Variants in STPG2 observed in about 807,000 individuals in gnomAD.
The protein encoded by STPG2 is sperm tail PG-rich repeat containing 2.
In STPG2, 56 loss-of-function variants were observed where a neutral mutation model predicts 54.2. The ratio of observed to expected loss-of-function variants is 1.03; its 90% confidence interval spans 0.83 to 1.29. STPG2 has a LOEUF of 1.29. Ranked by LOEUF, STPG2 falls within the 50% of genes most tolerant of loss-of-function variation. The pLI is 0.00. For synonymous variants in STPG2, 200 were observed against 181.8 expected, an observed-to-expected ratio of 1.10 and a Z score of -0.81; for missense variants, 596 against 544.9, an observed-to-expected ratio of 1.09 and a Z score of -0.93.
intron 4 of STPG2, among the ~76,000 whole-genome samples, chr4:97,467,217 G>A (rs1331343040): frequency 6.6e-5 from 10 of 151,652 alleles, no homozygotes; most frequent in Admixed American, 6.6e-4. Flanking sequence ...CTTACAAAAT[G>A]AGTATTTTTC....
At chr4:97,522,078 C>T (rs1731195062) in intron 4 of STPG2, among the ~76,000 whole-genome samples, 1 of 112,338 alleles carries the variant, frequency 8.9e-6, no homozygotes, top group African/African-American at 2.8e-5. Context: ...TCCAAATATA[C>T]AATTTTTTCT....
At chr4:97,909,749 TC>T (rs1394153627) in intron 8 of STPG2, among the ~76,000 whole-genome samples, 1 of 152,132 alleles carries the variant, frequency 6.6e-6, no homozygotes, top group Non-Finnish European at 1.5e-5. Flanking sequence ...TAGAATATAT[TC>T]CTAATATAAC....
chr4:97,754,213 A>G (rs1027229707), intron 9 of STPG2, among the ~76,000 whole-genome samples: 42 of 152,244 alleles, frequency 2.8e-4, no homozygotes, highest in Non-Finnish European at 2.9e-4. Context: ...CCACACCACC[A>G]AGCTAAAACT....
At chr4:97,983,565 C>T (rs949281492) in intron 5 of STPG2, among the ~76,000 whole-genome samples, 6 of 152,218 alleles carry the variant, frequency 3.9e-5, no homozygotes, top group South Asian at 4.1e-4. Context: ...ATATTGTTTC[C>T]TATGTCCCTG....
chr4:97,706,095 A>T (rs1723931660), intron 10 of STPG2, among the ~76,000 whole-genome samples: 1 of 152,028 alleles, frequency 6.6e-6, no homozygotes, highest in East Asian at 1.9e-4. Context: ...TTTCCTTATA[A>T]CTGTAGCTTT....
chr4:97,829,014 A>G (rs927070830), intron 9 of STPG2, among the ~76,000 whole-genome samples: 4 of 152,122 alleles, frequency 2.6e-5, no homozygotes, highest in African/African-American at 9.7e-5. Flanking sequence ...ACAGCGTTTG[A>G]GTCTCTGCTA....
At chr4:97,880,578 C>T (rs757084030) in intron 8 of STPG2, among the ~76,000 whole-genome samples, 2 of 151,976 alleles carry the variant, frequency 1.3e-5, no homozygotes, top group African/African-American at 4.8e-5. Context: ...GATAATCCTA[C>T]ATTAAAAATG....
intron 5 of STPG2, among the ~76,000 whole-genome samples, chr4:98,060,898 G>T (rs1366165718): frequency 1.3e-5 from 2 of 152,002 alleles, no homozygotes; most frequent in East Asian, 1.9e-4. Flanking sequence ...CCTTCCTTTT[G>T]CCATATACAA....
intron 8 of STPG2, among the ~76,000 whole-genome samples, chr4:97,910,976 C>T (rs184416684): frequency 3.3e-5 from 5 of 152,272 alleles, no homozygotes; most frequent in East Asian, 1.9e-4. Context: ...GTACTGACTA[C>T]GCAATCGGCG....
chr4:97,651,789 T>C (rs1722077597), intron 10 of STPG2, among the ~76,000 whole-genome samples: 1 of 151,920 alleles, frequency 6.6e-6, no homozygotes, highest in South Asian at 2.1e-4. Context: ...GAAGTTTGAA[T>C]ATGAAAAGTA....
chr4:97,835,778 G>A (rs1728614161), intron 9 of STPG2, among the ~76,000 whole-genome samples: 1 of 152,086 alleles, frequency 6.6e-6, no homozygotes. Flanking sequence ...ATGGGAAGAT[G>A]TCAAAAGATG....
intron 8 of STPG2, among the ~76,000 whole-genome samples, chr4:97,903,093 G>C (rs779496564): frequency 6.6e-6 from 1 of 152,012 alleles, no homozygotes; most frequent in Non-Finnish European, 1.5e-5. Context: ...GTGGTCAAAG[G>C]GTTCAAACTC....
chr4:97,939,814 T>C (rs545474214), intron 8 of STPG2, among the ~76,000 whole-genome samples: 66 of 152,328 alleles, frequency 4.3e-4, no homozygotes, highest in African/African-American at 1.6e-3. Flanking sequence ...AAAGTTAGTA[T>C]TGATATGAAT....
At chr4:97,469,559 A>G (rs1272570231) in intron 4 of STPG2, among the ~76,000 whole-genome samples, 1 of 152,016 alleles carries the variant, frequency 6.6e-6, no homozygotes, top group Non-Finnish European at 1.5e-5. Context: ...TCAGTTCTGG[A>G]CATTCTGAGT....
rs187866524 is a variant in STPG2 at position 97,561,339 on chromosome 4, G to A, written c.1321-2222C>T. On this transcript the variant is annotated intron_variant, in intron 10 of 10. Coordinates refer to ENST00000295268, the MANE Select transcript of STPG2 (RefSeq NM_174952.3). ...TTTGTTTGAGTTCATTGTAGATTCT[G>A]GATATTAGTCCTTTGTCAGATAAGT... Among the ~76,000 whole-genome samples, 526 of 152,202 alleles carry A rather than the reference G, an allele frequency of 3.5e-3. 4 individuals are homozygous for A. Among genetic ancestry groups the A allele is most frequent in the African/African-American group, 0.012 (489 of 41,522 alleles).
intron 10 of STPG2, among the ~76,000 whole-genome samples, chr4:97,658,032 AT>A (rs929496550): frequency 2.0e-5 from 3 of 152,158 alleles, no homozygotes; most frequent in African/African-American, 7.2e-5. Context: ...GATTTGTTTA[AT>A]TTTTTCCATT....
intron 4 of STPG2, among the ~76,000 whole-genome samples, chr4:97,541,543 G>C (rs1209832622): frequency 6.6e-6 from 1 of 152,106 alleles, no homozygotes; most frequent in Non-Finnish European, 1.5e-5. Flanking sequence ...TGGCCATACT[G>C]CCCAAGGTAA....
intron 10 of STPG2, among the ~76,000 whole-genome samples, chr4:97,597,862 T>G (rs1008555418): frequency 6.6e-6 from 1 of 151,932 alleles, no homozygotes; most frequent in African/African-American, 2.4e-5. Flanking sequence ...CTGTCCAAAA[T>G]AGTATTGGAA....
rs546806065 is a variant in STPG2 at position 97,670,966 on chromosome 4, G to C, written c.1320+41733C>G. On this transcript the variant is annotated intron_variant, in intron 10 of 10. Coordinates refer to ENST00000295268, the MANE Select transcript of STPG2 (RefSeq NM_174952.3). ...GTTCTTCTCTGGAAAAGGTGCACCT[G>C]TATCCCACTGCACTCTGTCTTCTGC... Among the ~76,000 whole-genome samples the C allele has an allele frequency of 3.3e-4, 50 of 152,266 alleles. No homozygotes were observed. The South Asian group carries it at 9.9e-3, about 30-fold the overall frequency.
Sources: allele counts gnomAD v4.1 joint callset (sites outside exome capture counted in the v4.1 genomes callset), GRCh38; gene constraint gnomAD v4.1.1; transcripts MANE v1.5; gene names NCBI Gene and HGNC (gene_info 2026-07-23, HGNC 2026-07-21).